SH2D4A: variants seen among roughly 807,000 people sequenced by gnomAD.
SH2D4A encodes SH2 domain containing 4A.
In SH2D4A, 70 loss-of-function variants were observed where a neutral mutation model predicts 64.7. That is an observed-to-expected ratio of 1.08 (90% CI 0.89 to 1.32). The LOEUF (loss-of-function observed/expected upper bound fraction) is 1.32, where lower values mean the gene tolerates loss of function less well. Among genes scored for constraint, SH2D4A ranks in the 40% most tolerant of loss-of-function variants. SH2D4A has a pLI of 0.00. For synonymous variants in SH2D4A, 268 were observed against 200.7 expected, an observed-to-expected ratio of 1.34 and a Z score of -2.83; for missense variants, 706 against 540.1, an observed-to-expected ratio of 1.31 and a Z score of -3.04.
chr8:19,376,686 A>C (rs189069148), intron 8 of SH2D4A, among the ~76,000 whole-genome samples: 2 of 152,250 alleles, frequency 1.3e-5, no homozygotes, highest in East Asian at 3.9e-4. Context: ...AGACATCCAG[A>C]ATAACTTTTG....
intron 2 of SH2D4A, among the ~76,000 whole-genome samples, chr8:19,321,185 A>T (rs2052184312): frequency 6.9e-6 from 1 of 145,874 alleles, no homozygotes; most frequent in African/African-American, 2.6e-5. Flanking sequence ...TTTACAGATG[A>T]TGAGACTTAG....
intron 8 of SH2D4A, among the ~76,000 whole-genome samples, chr8:19,393,050 ATTC>A (rs1312496347): frequency 6.6e-6 from 1 of 152,128 alleles, no homozygotes; most frequent in Admixed American, 6.5e-5. Flanking sequence ...CCAGAAATAT[ATTC>A]TTCTTTTAAG....
At chr8:19,339,495 C>CTTTTTTTTTTTTTTTT (rs5889867) in intron 4 of SH2D4A, among the ~76,000 whole-genome samples, 2 of 129,026 alleles carry the variant, frequency 1.6e-5, no homozygotes, top group Non-Finnish European at 1.6e-5. Context: ...TATAAACTTT[C>CTTTTTTTTTTTTTTTT]TTTTTTTTTT....
intron 2 of SH2D4A, among the ~76,000 whole-genome samples, chr8:19,330,073 C>G (rs376053162): frequency 3.4e-4 from 52 of 152,318 alleles, no homozygotes; most frequent in African/African-American, 8.2e-4. Flanking sequence ...ACATCTCTTT[C>G]ATCCCTTTCA....
chr8:19,361,352 C>G (rs1173476620), intron 6 of SH2D4A, 38 bp downstream of exon 6: 4 of 1,554,916 alleles, frequency 2.6e-6, no homozygotes, highest in Admixed American at 2.2e-5. Context: ...CTTCCAGGCT[C>G]TCAGCTGATT....
Position 19,364,084 on chromosome 8 carries a change from A to G in SH2D4A, c.719A>G (p.Lys240Arg), listed in dbSNP as rs35197358. The change falls in exon 7 of 10, where the codon AAA becomes AGA. Residue 240 changes from lysine to arginine, a missense_variant. Physicochemically the swap from Lys to Arg is conservative, Grantham distance 26. Transcript: ENST00000265807. Reference protein sequence around the residue: ...SEWQASLRKSKAADEKRRSLA... With the variant: ...SEWQASLRKSRAADEKRRSLA... ...GTTGTTTTTCCAGTGCGAAAATCCA[A>G]AGCAGCTGATGAGAAGAGACGCTCC... The G allele has an allele frequency of 7.9e-4, 1,283 of 1,613,938 alleles. 12 individuals are homozygous for G. In the African/African-American group the frequency reaches 0.015, roughly 19 times the overall value.
Position 19,393,358 on chromosome 8 carries a change from C to T in SH2D4A, c.1089C>T (p.Ser363=), listed in dbSNP as rs1187485901. ...TLKKANELLL[S]TGMPGSFLIR... ...AGAAAGCAAATGAACTTCTTCTGAG[C>T]ACAGGCATGCCCGGCAGTTTTCTCA... Residue 363 remains serine (S), a synonymous_variant, in exon 9 of 10, where the codon AGC becomes AGT. Transcript: ENST00000265807. The T allele has an allele frequency of 5.6e-6, 9 of 1,613,976 alleles. No individual in the cohort carries two copies. The highest frequency in any genetic ancestry group is 4.4e-5 in the South Asian group (4 of 91,088).
At chr8:19,354,064 C>T (rs1291742257) in intron 4 of SH2D4A, among the ~76,000 whole-genome samples, 1 of 150,042 alleles carries the variant, frequency 6.7e-6, no homozygotes, top group Non-Finnish European at 1.5e-5. Context: ...AATCTTAGCT[C>T]ACTGTAACCT....
Position 19,364,553 on chromosome 8 carries a change from G to A in SH2D4A, c.917+271G>A, listed in dbSNP as rs532865704. 1.1e-3 allele frequency among the ~76,000 whole-genome samples: 169 copies of A among 152,088 alleles called. 2 individuals carry two copies. The highest frequency in any genetic ancestry group is 4.8e-3 in the Admixed American group (74 of 15,262). ...TGCATGGAATGAGAGAACTTCCCGTGTCCCTACCCCACTCTCCCCTTTCCC... is the reference window on the plus strand; with the variant it reads ...TGCATGGAATGAGAGAACTTCCCGTATCCCTACCCCACTCTCCCCTTTCCC... On this transcript the variant is annotated intron_variant, in intron 7 of 9. Transcript: ENST00000265807.
chr8:19,364,730 G>T (rs906705682), intron 7 of SH2D4A, among the ~76,000 whole-genome samples: 15 of 152,138 alleles, frequency 9.9e-5, no homozygotes, highest in African/African-American at 3.4e-4. Context: ...GTGATCAGTG[G>T]GAGTACATTT....
intron 2 of SH2D4A, among the ~76,000 whole-genome samples, chr8:19,320,152 T>G (rs2052163733): frequency 6.6e-6 from 1 of 152,230 alleles, no homozygotes; most frequent in Non-Finnish European, 1.5e-5. Context: ...TTGAGGTATC[T>G]TTTTAGGGAA....
rs1309372766 is a variant in SH2D4A, at chr8:19,373,599, G to C, written c.987G>C (p.Glu329Asp). 4.3e-6 allele frequency: 7 copies of C among 1,613,318 alleles called. No individual in the cohort carries two copies. In the East Asian group the frequency reaches 1.3e-4, roughly 31 times the overall value. ...QEDIIRWFKE[E>D]QLPLRAGYQK... ...ACATCATCCGGTGGTTTAAAGAGGA[G>C]CAGCTACCACTTCGAGCGGGCTACC... is the stretch of plus-strand genomic sequence containing the variant. Residue 329 changes from glutamate (E) to aspartate (D), a missense_variant, in exon 8 of 10, where the codon GAG becomes GAC. Glu to Asp is a conservative substitution (Grantham distance 45). Coordinates refer to ENST00000265807, the MANE Select transcript of SH2D4A (RefSeq NM_022071.4).
intron 1 of SH2D4A, among the ~76,000 whole-genome samples, chr8:19,314,914 G>A (rs2052060042): frequency 6.6e-6 from 1 of 152,146 alleles, no homozygotes; most frequent in African/African-American, 2.4e-5. Flanking sequence ...ATAAGATAAA[G>A]TTTCAATAAG....
chr8:19,387,734 CT>C (rs1469749137), intron 8 of SH2D4A, among the ~76,000 whole-genome samples: 1 of 152,160 alleles, frequency 6.6e-6, no homozygotes, highest in Non-Finnish European at 1.5e-5. Flanking sequence ...ACTTGTGTGG[CT>C]TTAGGCAGTC....
chr8:19,362,052 A>G (rs10095574), intron 6 of SH2D4A, among the ~76,000 whole-genome samples: 3,377 of 152,348 alleles, frequency 0.022, 133 homozygotes, highest in African/African-American at 0.077. Context: ...TAGTGTTTCC[A>G]TCTGACTCAG....
In SH2D4A at chr8:19,393,555, T is replaced by A. The variant is rs1464330553; in HGVS notation, c.1272+14T>A. ...GAATATCACAAGGTGAAGCAATGCA[T>A]AAACTTAATTTGCCTTCTGAGTTAC... On this transcript the variant is annotated intron_variant, in intron 9 of 9. Transcript: ENST00000265807. 2.5e-6 allele frequency: 4 copies of A among 1,612,470 alleles called. No homozygotes were observed. The highest frequency in any genetic ancestry group is 1.8e-4 in the Middle Eastern group (1 of 5,632).
chr8:19,380,733 AGTCT>A (rs1388356882), intron 8 of SH2D4A, among the ~76,000 whole-genome samples: 2 of 152,172 alleles, frequency 1.3e-5, no homozygotes, highest in African/African-American at 2.4e-5. Flanking sequence ...TTGGTCTATA[AGTCT>A]GTCTGTATGC....
chr8:19,314,281 G>A (rs1029309726), intron 1 of SH2D4A, among the ~76,000 whole-genome samples: 8 of 152,158 alleles, frequency 5.3e-5, no homozygotes, highest in Non-Finnish European at 7.4e-5. Context: ...GCAGGAGCAC[G>A]TCCTCGACTT....
intron 4 of SH2D4A, among the ~76,000 whole-genome samples, chr8:19,341,353 G>T (rs985209540): frequency 1.3e-5 from 2 of 152,116 alleles, no homozygotes; most frequent in African/African-American, 4.8e-5. Flanking sequence ...TATATGCAAG[G>T]CCCAACATTT....
Sources: gnomAD v4.1 joint callset for allele counts (sites outside exome capture counted in the v4.1 genomes callset) on GRCh38, gnomAD v4.1.1 for gene constraint, MANE v1.5 for transcripts, NCBI Gene and HGNC (gene_info 2026-07-23, HGNC 2026-07-21) for gene names.